The following SEPTIN14 variants were observed in gnomAD, a reference collection of about 807,000 sequenced individuals.
SEPTIN14 encodes septin-14.
A neutral mutation model predicts 53.6 loss-of-function variants in SEPTIN14; 40 were observed. That is an observed-to-expected ratio of 0.75 (90% CI 0.58 to 0.97). The LOEUF (loss-of-function observed/expected upper bound fraction) is 0.97, where lower values mean the gene tolerates loss of function less well. SEPTIN14 is among the 50% of genes least tolerant of loss of function. SEPTIN14 has a pLI of 0.00. For synonymous variants in SEPTIN14, 138 were observed against 166.8 expected (o/e 0.83, Z 1.33); for missense variants, 471 against 508.2 (o/e 0.93, Z 0.70).
At chr7:55,834,215 C>T (rs560382180) in intron 6 of SEPTIN14, among the ~76,000 whole-genome samples, 1 of 152,254 alleles carries the variant, frequency 6.6e-6, no homozygotes, top group African/African-American at 2.4e-5. Flanking sequence ...CCCTTGATAT[C>T]AAAGCAAGAA....
chr7:55,816,533 A>C (rs1788794009), intron 7 of SEPTIN14, among the ~76,000 whole-genome samples: 1 of 152,010 alleles, frequency 6.6e-6, no homozygotes, highest in African/African-American at 2.4e-5. Context: ...GTGGTGGCTC[A>C]TGCCTGTAAT....
chr7:55,805,237 T>C, intron 9 of SEPTIN14, 21 bp downstream of exon 9: 2 of 1,596,048 alleles, frequency 1.3e-6, no homozygotes, highest in East Asian at 2.3e-5. Context: ...ATACAAATTA[T>C]ATCAAACTGT....
intron 5 of SEPTIN14, among the ~76,000 whole-genome samples, chr7:55,836,019 G>T (rs1052169652): frequency 6.6e-6 from 1 of 152,098 alleles, no homozygotes; most frequent in Admixed American, 6.6e-5. Context: ...GGGATTATAG[G>T]CATGAGCCAC....
chr7:55,859,073 C>A (rs908877637), intron 2 of SEPTIN14, among the ~76,000 whole-genome samples: 4 of 151,672 alleles, frequency 2.6e-5, no homozygotes, highest in African/African-American at 7.3e-5. Flanking sequence ...ATTGCTTGAA[C>A]CTGGGAGGTG....
chr7:55,815,225 T>C (rs1402954911), intron 7 of SEPTIN14, among the ~76,000 whole-genome samples: 1 of 152,106 alleles, frequency 6.6e-6, no homozygotes, highest in African/African-American at 2.4e-5. Flanking sequence ...TTAGGACATT[T>C]AGTGAGTAAT....
At chr7:55,858,963 A>G (rs759105977) in intron 2 of SEPTIN14, among the ~76,000 whole-genome samples, 1 of 152,098 alleles carries the variant, frequency 6.6e-6, no homozygotes, top group African/African-American at 2.4e-5. Flanking sequence ...CTCAGTTTCT[A>G]TGGTTCTACA....
intron 8 of SEPTIN14, 60 bp downstream of exon 8, chr7:55,807,030 T>C (rs868661483): frequency 3.3e-6 from 4 of 1,212,652 alleles, no homozygotes; most frequent in Middle Eastern, 4.0e-4. Context: ...TTATCATACC[T>C]TGTGTTTGTA....
At chr7:55,804,887 CT>C (rs1191441288) in intron 9 of SEPTIN14, among the ~76,000 whole-genome samples, 1 of 152,048 alleles carries the variant, frequency 6.6e-6, no homozygotes, top group Admixed American at 6.6e-5. Context: ...TCAACATTTG[CT>C]TTTTATAAAA....
chr7:55,811,615 C>T (rs1446667538), intron 7 of SEPTIN14, among the ~76,000 whole-genome samples: 2 of 149,248 alleles, frequency 1.3e-5, no homozygotes, highest in Non-Finnish European at 3.0e-5. Context: ...GATTCTCCTG[C>T]CTCAGCCCCC....
intron 5 of SEPTIN14, among the ~76,000 whole-genome samples, chr7:55,842,182 A>AG (rs1320750118): frequency 6.6e-6 from 1 of 152,240 alleles, no homozygotes; most frequent in Non-Finnish European, 1.5e-5. Context: ...GTAGTAGGCT[A>AG]TATCATGTAG....
chr7:55,820,188 A>T (rs769524789), intron 6 of SEPTIN14, among the ~76,000 whole-genome samples: 6 of 152,050 alleles, frequency 3.9e-5, no homozygotes, highest in Non-Finnish European at 8.8e-5. Flanking sequence ...TTTAGTAGAG[A>T]CGGAGTTTCA....
chr7:55,818,579 C>T (rs1217901999), intron 7 of SEPTIN14, among the ~76,000 whole-genome samples: 1 of 151,406 alleles, frequency 6.6e-6, no homozygotes, highest in Non-Finnish European at 1.5e-5. Context: ...CAATAAATTA[C>T]TGCTTACTAC....
intron 5 of SEPTIN14, among the ~76,000 whole-genome samples, chr7:55,835,387 A>G (rs987788991): frequency 1.3e-5 from 2 of 151,700 alleles, no homozygotes; most frequent in African/African-American, 2.4e-5. Flanking sequence ...TATTTTTAGT[A>G]GAGACGGGGT....
chr7:55,847,171 G>A (rs1312972865), intron 2 of SEPTIN14, among the ~76,000 whole-genome samples: 2 of 151,998 alleles, frequency 1.3e-5, no homozygotes, highest in South Asian at 4.1e-4. Context: ...GCACACCACT[G>A]CACTCCAGCC....
chr7:55,816,737 G>T lies in SEPTIN14; in HGVS notation c.817+2390C>A, dbSNP rs181098571. Reference sequence around the variant, plus strand: ...TGCTTGAACCCAGGAGGCAAAGGTTGCAGTGAGCCAAGATCACACCATTGC... The same window carrying T: ...TGCTTGAACCCAGGAGGCAAAGGTTTCAGTGAGCCAAGATCACACCATTGC... On this transcript the variant is annotated intron_variant, in intron 7 of 9. Coordinates refer to ENST00000388975, the MANE Select transcript of SEPTIN14 (RefSeq NM_207366.3). Among the ~76,000 whole-genome samples, 423 of 152,098 alleles carry T rather than the reference G, an allele frequency of 2.8e-3. 5 individuals carry two copies. Among genetic ancestry groups the T allele is most frequent in the Middle Eastern group, 0.01 (3 of 294 alleles).
At chr7:55,803,123 A>G (rs912669278) in intron 9 of SEPTIN14, among the ~76,000 whole-genome samples, 1 of 152,110 alleles carries the variant, frequency 6.6e-6, no homozygotes, top group African/African-American at 2.4e-5. Flanking sequence ...TTTTTAATAG[A>G]GACAAGGTTT....
chr7:55,855,047 C>T (rs1366093916), intron 2 of SEPTIN14, among the ~76,000 whole-genome samples: 66 of 145,854 alleles, frequency 4.5e-4, no homozygotes, highest in African/African-American at 1.4e-3. Context: ...CTCGCTCTTT[C>T]GCCCAGGCCG....
chr7:55,830,037 G>T (rs1011827865), intron 6 of SEPTIN14, among the ~76,000 whole-genome samples: 1 of 150,462 alleles, frequency 6.6e-6, no homozygotes, highest in Non-Finnish European at 1.5e-5. Flanking sequence ...AATTAGCCGG[G>T]CGTGGTGGCG....
Position 55,807,272 on chromosome 7 carries a change from A to C in SEPTIN14, c.818-14T>G. On this transcript the variant is annotated splice_polypyrimidine_tract_variant and intron_variant, in intron 7 of 9. Transcript: ENST00000388975. Reference sequence around the variant, plus strand: ...TTTCATTTTCCACTAGTAAAAAAATAATAATGAATCAACAACATTCAGTAT... The same window carrying C: ...TTTCATTTTCCACTAGTAAAAAAATCATAATGAATCAACAACATTCAGTAT... The C allele has an allele frequency of 1.3e-6, 2 of 1,538,736 alleles. No homozygotes were observed. Among genetic ancestry groups the C allele is most frequent in the Non-Finnish European group, 1.8e-6 (2 of 1,136,944 alleles).
Sources: allele counts gnomAD v4.1 joint callset (sites outside exome capture counted in the v4.1 genomes callset), GRCh38; gene constraint gnomAD v4.1.1; transcripts MANE v1.5; gene names NCBI Gene and HGNC (gene_info 2026-07-23, HGNC 2026-07-21).